Variants in WDPCP observed in about 807,000 individuals in gnomAD.
WDPCP encodes the protein WD repeat-containing and planar cell polarity effector protein fritz homolog.
WDPCP carries 71 observed loss-of-function variants against 93.1 expected under a neutral mutation model. That is an observed-to-expected ratio of 0.76 (90% CI 0.63 to 0.93). The LOEUF is 0.93. WDPCP is among the 40% of genes least tolerant of loss of function. The pLI, the probability that WDPCP is intolerant of heterozygous loss-of-function variation, is 0.00. For synonymous variants in WDPCP, 315 were observed against 315.0 expected (o/e 1.00, Z 0.00); for missense variants, 844 against 887.4 (o/e 0.95, Z 0.62).
At chr2:63,468,936 C>A (rs759563807) in intron 6 of WDPCP, among the ~76,000 whole-genome samples, 1 of 151,888 alleles carries the variant, frequency 6.6e-6, no homozygotes, top group Non-Finnish European at 1.5e-5. Flanking sequence ...CTCCATTTTC[C>A]TTTACAACAT....
intron 3 of WDPCP, among the ~76,000 whole-genome samples, chr2:63,607,837 A>G (rs1420572590): frequency 6.6e-6 from 1 of 151,986 alleles, no homozygotes; most frequent in Non-Finnish European, 1.5e-5. Flanking sequence ...AAAAAAAAAA[A>G]AAAAAGAAGA....
chr2:63,735,498 T>C (rs958714096), intron 2 of WDPCP, among the ~76,000 whole-genome samples: 1 of 152,166 alleles, frequency 6.6e-6, no homozygotes, highest in African/African-American at 2.4e-5. Context: ...CAGTGCAAGG[T>C]CTTGGATGCC....
chr2:63,627,239 C>T (rs1037013803), intron 3 of WDPCP, among the ~76,000 whole-genome samples: 1 of 152,158 alleles, frequency 6.6e-6, no homozygotes, highest in Non-Finnish European at 1.5e-5. Context: ...CCAAGATTGT[C>T]ATGATCTGGA....
At chr2:63,248,162 A>G (rs1361391263) in intron 14 of WDPCP, among the ~76,000 whole-genome samples, 2 of 152,190 alleles carry the variant, frequency 1.3e-5, no homozygotes, top group African/African-American at 4.8e-5. Context: ...GTTGATAATA[A>G]TAAGTAGAGT....
Position 63,513,940 on chromosome 2 carries a change from C to T in WDPCP, c.76-21000G>A, listed in dbSNP as rs370155895. On this transcript the variant is annotated intron_variant, in intron 1 of 17. Transcript: ENST00000272321. ...ATTTACTGTGCTTTTCTCTTGTTTA[C>T]CTGTCCTTTGTTAAAGGAGTGTTGG... Among the ~76,000 whole-genome samples, 6 of 151,774 alleles carry T rather than the reference C, an allele frequency of 4.0e-5. No homozygotes were observed. In the East Asian group the frequency reaches 9.7e-4, roughly 24 times the overall value.
intron 13 of WDPCP, among the ~76,000 whole-genome samples, chr2:63,289,865 T>C (rs1684274574): frequency 6.6e-6 from 1 of 152,040 alleles, no homozygotes; most frequent in Non-Finnish European, 1.5e-5. Flanking sequence ...TCTCTGGTGA[T>C]ACTTTCTTTG....
intron 17 of WDPCP, among the ~76,000 whole-genome samples, chr2:63,125,304 G>A (rs183043421): frequency 8.0e-4 from 122 of 152,338 alleles, no homozygotes; most frequent in Non-Finnish European, 1.1e-3. Flanking sequence ...TCAGAAAGGA[G>A]TGTACTTAGA....
intron 11 of WDPCP, among the ~76,000 whole-genome samples, chr2:63,381,551 T>C (rs1692310616): frequency 6.6e-6 from 1 of 152,140 alleles, no homozygotes; most frequent in Admixed American, 6.5e-5. Flanking sequence ...TAAAGACTTT[T>C]GTTTGGTGCC....
At chr2:63,822,730 T>C (rs1275129269) in intron 1 of WDPCP, among the ~76,000 whole-genome samples, 1 of 151,778 alleles carries the variant, frequency 6.6e-6, no homozygotes, top group African/African-American at 2.4e-5. Flanking sequence ...TAAAAGAAAA[T>C]TTTTAATTGG....
intron 12 of WDPCP, among the ~76,000 whole-genome samples, chr2:63,340,544 G>A (rs1025519271): frequency 5.3e-5 from 8 of 152,124 alleles, no homozygotes; most frequent in African/African-American, 1.9e-4. Context: ...CTCCTACCAG[G>A]GACCCCAATA....
At chr2:63,142,623 T>A (rs1671158098) in intron 17 of WDPCP, among the ~76,000 whole-genome samples, 1 of 152,130 alleles carries the variant, frequency 6.6e-6, no homozygotes, top group Admixed American at 6.5e-5. Context: ...AATGTTCTGT[T>A]TATATATGTT....
chr2:63,486,400 T>TA, intron 4 of WDPCP, 142 bp downstream of exon 4: 1 of 656,026 alleles, frequency 1.5e-6, no homozygotes, highest in South Asian at 2.0e-5. Context: ...ATACAATTGT[T>TA]ACTTATATGT....
intron 1 of WDPCP, among the ~76,000 whole-genome samples, chr2:63,576,726 C>T (rs1708142617): frequency 6.6e-6 from 1 of 152,180 alleles, no homozygotes. Context: ...CCCCCCAATC[C>T]TGAGGCTATC....
intron 14 of WDPCP, among the ~76,000 whole-genome samples, chr2:63,214,723 C>T (rs574124020): frequency 5.1e-4 from 77 of 152,134 alleles, no homozygotes; most frequent in Non-Finnish European, 5.0e-4. Context: ...TTTAGAAAAC[C>T]CCATCATCTC....
At chr2:63,261,808 A>C (rs975294942) in intron 13 of WDPCP, among the ~76,000 whole-genome samples, 4 of 152,142 alleles carry the variant, frequency 2.6e-5, no homozygotes, top group African/African-American at 7.2e-5. Context: ...CTTTGTAGAG[A>C]AGGTTTGCTG....
At chr2:63,833,192 G>A in the WDPCP span, among the ~76,000 whole-genome samples, 4 of 152,206 alleles carry the variant, frequency 2.6e-5, no homozygotes, top group Non-Finnish European at 5.9e-5. Context: ...GGTGGAGGTT[G>A]CAGTGAGCTG....
intron 2 of WDPCP, among the ~76,000 whole-genome samples, chr2:63,790,420 G>A (rs1219118923): frequency 3.3e-5 from 5 of 152,178 alleles, no homozygotes; most frequent in East Asian, 1.9e-4. Flanking sequence ...CAGAAACTCC[G>A]TTAACTAAAC....
At chr2:63,242,254 G>A (rs1273377879) in intron 14 of WDPCP, among the ~76,000 whole-genome samples, 1 of 152,046 alleles carries the variant, frequency 6.6e-6, no homozygotes, top group African/African-American at 2.4e-5. Flanking sequence ...TTATAGCATA[G>A]TATCTGCAAG....
At chr2:63,594,708 T>C (rs1709270107) in intron 3 of WDPCP, 2 of 693,618 alleles carry the variant, frequency 2.9e-6, no homozygotes, top group Non-Finnish European at 4.9e-6. Context: ...GTAAATGTAA[T>C]AGGCACATTG....
Sources: allele counts gnomAD v4.1 joint callset (sites outside exome capture counted in the v4.1 genomes callset), GRCh38; gene constraint gnomAD v4.1.1; transcripts MANE v1.5; gene names NCBI Gene and HGNC (gene_info 2026-07-23, HGNC 2026-07-21).